ACTR3C: variants seen among roughly 807,000 people sequenced by gnomAD.
The protein encoded by ACTR3C is actin related protein 3C, also known as actin-related protein 3C.
In ACTR3C, 18 loss-of-function variants were observed where a neutral mutation model predicts 26.3. That is an observed-to-expected ratio of 0.68 (90% confidence interval 0.47 to 1.01). ACTR3C has a LOEUF of 1.01. ACTR3C is among the 50% of genes least tolerant of loss of function. ACTR3C has a pLI of 0.00. For synonymous variants in ACTR3C, 55 were observed against 94.5 expected, an observed-to-expected ratio of 0.58 and a Z score of 2.42; for missense variants, 184 against 250.7, an observed-to-expected ratio of 0.73 and a Z score of 1.80.
At chr7:149,951,714 C>T in the ACTR3C span, among the ~76,000 whole-genome samples, 1 of 151,840 alleles carries the variant, frequency 6.6e-6, no homozygotes, top group Admixed American at 6.5e-5. Flanking sequence ...CAGATTATCT[C>T]CCCATTTGAA....
the ACTR3C span, among the ~76,000 whole-genome samples, chr7:149,904,540 C>A: frequency 0.034 from 2,233 of 65,530 alleles, 190 homozygotes; most frequent in East Asian, 0.2. Context: ...CAAAAAACAA[C>A]AACAACAACA....
chr7:150,282,378 T>C lies in ACTR3C; in HGVS notation c.564+2375A>G, dbSNP rs141014887. Reference sequence around the variant, plus strand: ...TTTTGGATTAATTTTTATCGTAACATATTCTGGTCTACTCTAACTTAGGTG... The same window carrying C: ...TTTTGGATTAATTTTTATCGTAACACATTCTGGTCTACTCTAACTTAGGTG... On this transcript the variant is annotated intron_variant, in intron 6 of 7. Transcript: ENST00000683684. 5.2e-4 allele frequency among the ~76,000 whole-genome samples: 79 copies of C among 152,206 alleles called. No homozygotes were observed. The East Asian group carries it at 0.014, about 27-fold the overall frequency.
the ACTR3C span, among the ~76,000 whole-genome samples, chr7:149,955,193 AC>A: frequency 1.3e-5 from 2 of 152,230 alleles, no homozygotes; most frequent in African/African-American, 4.8e-5. Flanking sequence ...TCCAGTTAGT[AC>A]CACCATCTGC....
the ACTR3C span, among the ~76,000 whole-genome samples, chr7:150,127,669 G>GT: frequency 4.1e-4 from 61 of 149,568 alleles, no homozygotes; most frequent in Admixed American, 7.3e-4. Flanking sequence ...TTATTGTACT[G>GT]TTTTTTTTCT....
chr7:149,966,245 A>G, the ACTR3C span, among the ~76,000 whole-genome samples: 367 of 152,276 alleles, frequency 2.4e-3, 4 homozygotes, highest in African/African-American at 8.5e-3. Flanking sequence ...GGAGAAACAG[A>G]GGCTGGAAGG....
chr7:149,940,538 G>A, the ACTR3C span, among the ~76,000 whole-genome samples: 1 of 152,122 alleles, frequency 6.6e-6, no homozygotes, highest in Non-Finnish European at 1.5e-5. Context: ...TCCCTGGTCA[G>A]GGCTGCCCCT....
chr7:150,083,523 C>T, the ACTR3C span, among the ~76,000 whole-genome samples: 8 of 152,104 alleles, frequency 5.3e-5, no homozygotes, highest in Admixed American at 6.5e-5. Flanking sequence ...GACATGATTG[C>T]ACCACTTCAC....
intron 1 of ACTR3C, among the ~76,000 whole-genome samples, chr7:150,316,720 G>A (rs1052500522): frequency 2.0e-5 from 3 of 151,944 alleles, no homozygotes; most frequent in Non-Finnish European, 2.9e-5. Flanking sequence ...TCTTGACCTC[G>A]TGATCTGCCC....
chr7:150,299,805 G>A (rs1445068021), intron 1 of ACTR3C, among the ~76,000 whole-genome samples: 6 of 151,916 alleles, frequency 3.9e-5, no homozygotes, highest in East Asian at 1.9e-4. Flanking sequence ...AAACAAGGTC[G>A]GGGGAGAGGG....
the ACTR3C span, among the ~76,000 whole-genome samples, chr7:150,018,331 A>ACCG: frequency 6.8e-6 from 1 of 146,414 alleles, no homozygotes; most frequent in Non-Finnish European, 1.5e-5. Context: ...GGCGTGAGCC[A>ACCG]CAACTGGCCC....
the ACTR3C span, among the ~76,000 whole-genome samples, chr7:149,962,667 C>T: frequency 6.6e-6 from 1 of 152,154 alleles, no homozygotes; most frequent in South Asian, 2.1e-4. Flanking sequence ...AGCACTAGAT[C>T]ATAGTTCCGG....
At chr7:150,198,996 C>T in the ACTR3C span, among the ~76,000 whole-genome samples, 1 of 142,878 alleles carries the variant, frequency 7.0e-6, no homozygotes, top group African/African-American at 2.8e-5. Flanking sequence ...GGTCAGCCCC[C>T]CTGCCCGGCC....
the ACTR3C span, among the ~76,000 whole-genome samples, chr7:150,015,037 A>T: frequency 6.6e-6 from 1 of 152,192 alleles, no homozygotes; most frequent in Non-Finnish European, 1.5e-5. Context: ...GGCTCTGAAG[A>T]TGAATGTAGA....
the ACTR3C span, among the ~76,000 whole-genome samples, chr7:149,971,901 C>T: frequency 6.6e-6 from 1 of 152,246 alleles, no homozygotes; most frequent in African/African-American, 2.4e-5. Flanking sequence ...ATCTTTTCTT[C>T]TGGCTGTCCT....
chr7:150,008,585 T>A, the ACTR3C span, among the ~76,000 whole-genome samples: 1 of 151,996 alleles, frequency 6.6e-6, no homozygotes, highest in African/African-American at 2.4e-5. Flanking sequence ...CTCCTAGAAC[T>A]GAGCACAGTG....
chr7:150,039,696 C>CT, the ACTR3C span, among the ~76,000 whole-genome samples: 1 of 124,410 alleles, frequency 8.0e-6, no homozygotes, highest in Non-Finnish European at 1.8e-5. Context: ...GGTCCTAAGC[C>CT]GGGGGGGAAG....
At chr7:149,923,308 G>C in the ACTR3C span, among the ~76,000 whole-genome samples, 17 of 151,782 alleles carry the variant, frequency 1.1e-4, no homozygotes, top group Non-Finnish European at 1.9e-4. Flanking sequence ...GAGTATAAAT[G>C]AGCTTAAGTC....
chr7:150,140,824 T>C, the ACTR3C span, among the ~76,000 whole-genome samples: 15 of 152,376 alleles, frequency 9.8e-5, no homozygotes, highest in Admixed American at 5.2e-4. Flanking sequence ...AAAGCTGAGA[T>C]AGGCTGAAAG....
downstream of ACTR3C, chr7:150,245,245 T>C (rs1164918665): frequency 6.6e-6 from 1 of 152,270 alleles, no homozygotes; most frequent in Non-Finnish European, 1.5e-5. Context: ...GCTACCTAGT[T>C]ACTGGTGGAT....
Sources: gnomAD v4.1 joint callset for allele counts (sites outside exome capture counted in the v4.1 genomes callset) on GRCh38, gnomAD v4.1.1 for gene constraint, MANE v1.5 for transcripts, NCBI Gene and HGNC (gene_info 2026-07-23, HGNC 2026-07-21) for gene names.